TAFA4: variants seen among roughly 807,000 people sequenced by gnomAD.
The protein encoded by TAFA4 is TAFA chemokine like family member 4, also known as chemokine-like protein TAFA-4.
A neutral mutation model predicts 21.1 loss-of-function variants in TAFA4; 20 were observed. The observed-to-expected ratio is 0.95, with a 90% CI of 0.67 to 1.38. The LOEUF is 1.38. Ranked by LOEUF, TAFA4 falls within the 40% of genes most tolerant of loss-of-function variation. TAFA4 has a pLI of 0.00. For synonymous variants in TAFA4, 71 were observed against 67.4 expected (o/e 1.05, Z -0.26); for missense variants, 211 against 180.9 (o/e 1.17, Z -0.95).
At chr3:68,863,963 G>C (rs1438230807) in intron 3 of TAFA4, among the ~76,000 whole-genome samples, 1 of 151,922 alleles carries the variant, frequency 6.6e-6, no homozygotes, top group Admixed American at 6.6e-5. Context: ...ACTCAAAATG[G>C]ATCACAGTCC....
At chr3:68,812,281 A>G (rs1484397154) in intron 3 of TAFA4, among the ~76,000 whole-genome samples, 2 of 152,184 alleles carry the variant, frequency 1.3e-5, no homozygotes, top group Non-Finnish European at 2.9e-5. Flanking sequence ...GAGCAAAATA[A>G]CCAGCTAACA....
chr3:68,921,081 G>A (rs2090057040), intron 1 of TAFA4, among the ~76,000 whole-genome samples: 1 of 152,090 alleles, frequency 6.6e-6, no homozygotes, highest in Admixed American at 6.6e-5. Flanking sequence ...TGACCAATGT[G>A]AAAACCTGCC....
At chr3:68,763,023 G>A (rs1184525089) in intron 3 of TAFA4, among the ~76,000 whole-genome samples, 1 of 152,236 alleles carries the variant, frequency 6.6e-6, no homozygotes, top group Non-Finnish European at 1.5e-5. Flanking sequence ...GGGCAACAGA[G>A]CGAGACTCCT....
intron 3 of TAFA4, among the ~76,000 whole-genome samples, chr3:68,811,438 A>C (rs13077691): frequency 0.69 from 104,434 of 151,994 alleles, 36,420 homozygotes; most frequent in East Asian, 0.98. Flanking sequence ...CAAAATTAGA[A>C]GAATGGATAA....
rs1702695343 is a variant in TAFA4, at chr3:68,758,226, T to A, written c.131-5208A>T. On this transcript the variant is annotated intron_variant, in intron 3 of 5. Transcript: ENST00000295569. ...CATCTTTTTCAATTTGATGACAGTG[T>A]TTGTGTGATTCCATACAGTCTTTTT... Among the ~76,000 whole-genome samples the A allele has an allele frequency of 2.0e-5, 3 of 152,192 alleles. No individual in the cohort carries two copies. The South Asian group carries it at 6.2e-4, about 31-fold the overall frequency.
At chr3:68,801,217 T>C (rs1426437832) in intron 3 of TAFA4, among the ~76,000 whole-genome samples, 3 of 152,104 alleles carry the variant, frequency 2.0e-5, no homozygotes, top group Non-Finnish European at 4.4e-5. Flanking sequence ...GACATGTAGG[T>C]TTCCAAGTGA....
chr3:68,929,838 T>G (rs1044088663), intron 1 of TAFA4, among the ~76,000 whole-genome samples: 1 of 152,236 alleles, frequency 6.6e-6, no homozygotes, highest in Non-Finnish European at 1.5e-5. Flanking sequence ...CCAAAAAGAC[T>G]TCCTTCTTTC....
Position 68,817,287 on chromosome 3 carries a change from A to G in TAFA4, c.130+63443T>C, listed in dbSNP as rs79585170. Among the ~76,000 whole-genome samples the G allele has an allele frequency of 4.7e-3, 711 of 152,318 alleles. 4 individuals are homozygous for G. The highest frequency in any genetic ancestry group is 0.016 in the African/African-American group (659 of 41,576). On this transcript the variant is annotated intron_variant, in intron 3 of 5. Transcript: ENST00000295569. ...CAACCCCTCATCCGCTAATTTTATC[A>G]TAAGATTACAGAAATTCAGTAACAT...
chr3:68,783,408 G>A (rs573697134), intron 3 of TAFA4, among the ~76,000 whole-genome samples: 32 of 152,302 alleles, frequency 2.1e-4, no homozygotes, highest in Non-Finnish European at 3.7e-4. Flanking sequence ...GCACAGAGGA[G>A]CTTCATCCAG....
At chr3:68,751,356 AG>A (rs1453901757) in intron 4 of TAFA4, among the ~76,000 whole-genome samples, 2 of 152,102 alleles carry the variant, frequency 1.3e-5, no homozygotes, top group East Asian at 3.9e-4. Flanking sequence ...GCGGAAGGAG[AG>A]GTGTGGCACA....
At chr3:68,899,062 C>T (rs2089819669) in intron 1 of TAFA4, among the ~76,000 whole-genome samples, 1 of 152,120 alleles carries the variant, frequency 6.6e-6, no homozygotes, top group Non-Finnish European at 1.5e-5. Context: ...GGAGTCTTCC[C>T]AACACTGGCC....
At chr3:68,915,316 C>T (rs1193601431) in intron 1 of TAFA4, among the ~76,000 whole-genome samples, 6 of 152,228 alleles carry the variant, frequency 3.9e-5, no homozygotes, top group African/African-American at 1.4e-4. Flanking sequence ...CAATTACAAA[C>T]TATCACAAGC....
intron 3 of TAFA4, among the ~76,000 whole-genome samples, chr3:68,841,974 C>T (rs1437110439): frequency 1.3e-5 from 2 of 152,106 alleles, no homozygotes; most frequent in South Asian, 4.1e-4. Flanking sequence ...GGTTCCAAGT[C>T]TTTGCTATTG....
intron 3 of TAFA4, among the ~76,000 whole-genome samples, chr3:68,764,315 C>G (rs771593319): frequency 6.6e-6 from 1 of 152,086 alleles, no homozygotes; most frequent in Non-Finnish European, 1.5e-5. Flanking sequence ...CCACCAGAAA[C>G]TGAATTGCCA....
chr3:68,744,373 T>G (rs898338569), intron 4 of TAFA4, among the ~76,000 whole-genome samples: 4 of 152,116 alleles, frequency 2.6e-5, no homozygotes, highest in Non-Finnish European at 4.4e-5. Flanking sequence ...AAGATTAGAC[T>G]TGGGTCTCTC....
At chr3:68,748,154 A>T (rs899401644) in intron 4 of TAFA4, among the ~76,000 whole-genome samples, 10 of 152,218 alleles carry the variant, frequency 6.6e-5, no homozygotes, top group Admixed American at 5.9e-4. Flanking sequence ...TCTCCTTATC[A>T]TGCTTCCATC....
intron 3 of TAFA4, among the ~76,000 whole-genome samples, chr3:68,842,940 T>C (rs1223651190): frequency 6.6e-6 from 1 of 152,232 alleles, no homozygotes; most frequent in Admixed American, 6.5e-5. Flanking sequence ...TACTGTAGCC[T>C]TGGAGTGTAG....
chr3:68,917,770 AAAAG>A (rs1483466454), intron 1 of TAFA4, among the ~76,000 whole-genome samples: 2,481 of 149,812 alleles, frequency 0.017, 35 homozygotes, highest in Non-Finnish European at 0.025. Flanking sequence ...AAAAAAAAAA[AAAAG>A]AAAGTTCCCA....
At chr3:68,871,673 C>CAT (rs1377180067) in intron 3 of TAFA4, among the ~76,000 whole-genome samples, 1 of 151,952 alleles carries the variant, frequency 6.6e-6, no homozygotes, top group African/African-American at 2.4e-5. Flanking sequence ...TAATAAGCAG[C>CAT]ATATATAAGG....
Sources: allele counts gnomAD v4.1 joint callset (sites outside exome capture counted in the v4.1 genomes callset), GRCh38; gene constraint gnomAD v4.1.1; transcripts MANE v1.5; gene names NCBI Gene and HGNC (gene_info 2026-07-23, HGNC 2026-07-21).